Variants in GPR158 observed in about 807,000 individuals in gnomAD.
GPR158 encodes the protein metabotropic glycine receptor.
Under a neutral mutation model 78.2 loss-of-function variants are expected in GPR158, and 30 were observed. That is an observed-to-expected ratio of 0.38 (90% CI 0.29 to 0.52). The LOEUF is 0.52. GPR158 is among the 20% of genes least tolerant of loss of function. The pLI, the probability that GPR158 is intolerant of heterozygous loss-of-function variation, is 0.83. For synonymous variants in GPR158, 581 were observed against 591.1 expected (o/e 0.98, Z 0.25); for missense variants, 1,463 against 1,523.5 (o/e 0.96, Z 0.66).
In GPR158 at chr10:25,577,819, G is replaced by A. The variant is rs79746143; in HGVS notation, c.1753+4932G>A. Among the ~76,000 whole-genome samples the A allele has an allele frequency of 7.6e-3, 1,164 of 152,200 alleles. 11 individuals are homozygous for A. The highest frequency in any genetic ancestry group is 0.026 in the African/African-American group (1,069 of 41,546). Reference sequence around the variant, plus strand: ...CAGAATCACATTGTCATTTATGTCCGTTTATAATTTTCAATCATTTTGTTA... The same window carrying A: ...CAGAATCACATTGTCATTTATGTCCATTTATAATTTTCAATCATTTTGTTA... On this transcript the variant is annotated intron_variant, in intron 7 of 10. Transcript: ENST00000376351.
chr10:25,394,603 C>T (rs868775012), intron 2 of GPR158, among the ~76,000 whole-genome samples: 2 of 151,946 alleles, frequency 1.3e-5, no homozygotes, highest in Non-Finnish European at 2.9e-5. Context: ...TTATTTTGCT[C>T]TGGGTTAGGA....
chr10:25,499,355 G>C (rs1222060901), intron 5 of GPR158, among the ~76,000 whole-genome samples: 3 of 152,166 alleles, frequency 2.0e-5, no homozygotes, highest in African/African-American at 7.2e-5. Context: ...CTCCTGATGA[G>C]TGGTTAACCC....
chr10:25,521,487 T>G (rs1836273191), intron 5 of GPR158, among the ~76,000 whole-genome samples: 1 of 152,254 alleles, frequency 6.6e-6, no homozygotes, highest in Non-Finnish European at 1.5e-5. Context: ...TGGTGCCTCC[T>G]TGATTAGCTT....
intron 2 of GPR158, among the ~76,000 whole-genome samples, chr10:25,371,928 A>C (rs1367566958): frequency 1.5e-4 from 22 of 147,896 alleles, no homozygotes; most frequent in Non-Finnish European, 1.8e-4. Context: ...CAACCTACTA[A>C]ATGGGAGAAA....
intron 2 of GPR158, among the ~76,000 whole-genome samples, chr10:25,263,060 C>A (rs1418477069): frequency 6.6e-6 from 1 of 151,994 alleles, no homozygotes; most frequent in Non-Finnish European, 1.5e-5. Context: ...TAATGAAGAC[C>A]AGCTTATCAA....
At chr10:25,201,192 G>A (rs1300640906) in intron 1 of GPR158, among the ~76,000 whole-genome samples, 1 of 151,968 alleles carries the variant, frequency 6.6e-6, no homozygotes, top group African/African-American at 2.4e-5. Flanking sequence ...GCCATGTTTT[G>A]TAATTCTCAT....
chr10:25,539,169 G>A (rs1222095924), intron 5 of GPR158, among the ~76,000 whole-genome samples: 1 of 152,136 alleles, frequency 6.6e-6, no homozygotes, highest in African/African-American at 2.4e-5. Flanking sequence ...GGTGCTGCTA[G>A]GGGAGGAGCA....
At chr10:25,379,036 T>A (rs931212246) in intron 2 of GPR158, among the ~76,000 whole-genome samples, 9 of 152,116 alleles carry the variant, frequency 5.9e-5, no homozygotes, top group African/African-American at 2.2e-4. Flanking sequence ...AGTGATCCTC[T>A]AGCCTTGGAC....
chr10:25,395,880 C>A, intron 2 of GPR158, 31 bp from the exon 3 acceptor site: 1 of 1,061,248 alleles, frequency 9.4e-7, no homozygotes, highest in Non-Finnish European at 1.5e-6. Flanking sequence ...AAGCCATGAT[C>A]AACTATGTTG....
chr10:25,501,655 C>T (rs1050999971), intron 5 of GPR158, among the ~76,000 whole-genome samples: 1 of 152,128 alleles, frequency 6.6e-6, no homozygotes, highest in Non-Finnish European at 1.5e-5. Flanking sequence ...CGGCTCTGGC[C>T]AGTGTGCGCT....
At chr10:25,479,045 T>C (rs1055247382) in intron 5 of GPR158, among the ~76,000 whole-genome samples, 4 of 152,056 alleles carry the variant, frequency 2.6e-5, no homozygotes, top group African/African-American at 7.2e-5. Context: ...CAATCTATCA[T>C]TGATGGACAT....
intron 2 of GPR158, among the ~76,000 whole-genome samples, chr10:25,371,179 A>T (rs1414942232): frequency 6.7e-6 from 1 of 148,382 alleles, no homozygotes; most frequent in African/African-American, 2.5e-5. Flanking sequence ...TTTAAAGTTA[A>T]TATTGTTATG....
chr10:25,376,490 A>C (rs1435709676), intron 2 of GPR158, among the ~76,000 whole-genome samples: 3 of 151,642 alleles, frequency 2.0e-5, no homozygotes, highest in South Asian at 4.1e-4. Context: ...GTTTTACACA[A>C]GTCTTCTCTG....
chr10:25,516,608 C>A (rs1219199856), intron 5 of GPR158, among the ~76,000 whole-genome samples: 1 of 125,078 alleles, frequency 8.0e-6, no homozygotes, highest in Non-Finnish European at 1.6e-5. Flanking sequence ...GTTTTCCCAG[C>A]ACCATTTATT....
chr10:25,359,661 A>G (rs1009732742), intron 2 of GPR158, among the ~76,000 whole-genome samples: 1 of 152,134 alleles, frequency 6.6e-6, no homozygotes, highest in East Asian at 1.9e-4. Flanking sequence ...TCTATCATTG[A>G]TGGGCATTTT....
intron 2 of GPR158, among the ~76,000 whole-genome samples, chr10:25,307,409 G>A (rs1854694450): frequency 1.5e-5 from 2 of 135,264 alleles, no homozygotes; most frequent in Non-Finnish European, 1.5e-5. Context: ...TTTAAGACAA[G>A]GTCTTACTCT....
intron 2 of GPR158, among the ~76,000 whole-genome samples, chr10:25,301,073 T>G (rs762253018): frequency 2.0e-5 from 3 of 152,234 alleles, no homozygotes; most frequent in Non-Finnish European, 4.4e-5. Context: ...AATATCAACA[T>G]AAGCTTTATG....
intron 2 of GPR158, among the ~76,000 whole-genome samples, chr10:25,362,671 T>C (rs1855657634): frequency 6.6e-6 from 1 of 151,930 alleles, no homozygotes; most frequent in South Asian, 2.1e-4. Context: ...CTTCCTTGAT[T>C]AGGTTTATTC....
intron 6 of GPR158, among the ~76,000 whole-genome samples, chr10:25,554,365 TTTG>T (rs1167754823): frequency 6.6e-6 from 1 of 152,186 alleles, no homozygotes; most frequent in Non-Finnish European, 1.5e-5. Flanking sequence ...GATCTGAGTT[TTTG>T]TTTTATTTCA....
Sources: allele counts gnomAD v4.1 joint callset (sites outside exome capture counted in the v4.1 genomes callset), GRCh38; gene constraint gnomAD v4.1.1; transcripts MANE v1.5; gene names NCBI Gene and HGNC (gene_info 2026-07-23, HGNC 2026-07-21).